Variants in PRKN observed in about 807,000 individuals in gnomAD.
The protein encoded by PRKN is parkin RBR E3 ubiquitin protein ligase.
A neutral mutation model predicts 59.5 loss-of-function variants in PRKN; 56 were observed. That is an observed-to-expected ratio of 0.94 (90% CI 0.76 to 1.18). The LOEUF is 1.18. Among genes scored for constraint, PRKN ranks in the 50% most tolerant of loss-of-function variants. The probability of loss-of-function intolerance (pLI) is 0.00; values close to 1 mark genes in which losing one functional copy is unlikely to be tolerated. For synonymous variants in PRKN, 250 were observed against 222.1 expected, an observed-to-expected ratio of 1.13 and a Z score of -1.12; for missense variants, 657 against 596.4, an observed-to-expected ratio of 1.10 and a Z score of -1.06.
intron 2 of PRKN, among the ~76,000 whole-genome samples, chr6:162,377,724 C>A (rs967906696): frequency 6.6e-6 from 1 of 152,172 alleles, no homozygotes; most frequent in Non-Finnish European, 1.5e-5. Context: ...AGACCATCTA[C>A]CTTGGTCAAC....
intron 6 of PRKN, among the ~76,000 whole-genome samples, chr6:161,871,117 G>T (rs1794326028): frequency 6.6e-6 from 1 of 152,080 alleles, no homozygotes; most frequent in Admixed American, 6.6e-5. Flanking sequence ...TAGATACTTT[G>T]TAGCAATTTA....
rs1203410752 is a variant in PRKN at position 161,405,572 on chromosome 6, G to A, written c.1084-18695C>T. The stretch of plus-strand genomic sequence containing the variant: ...CACTCCAGCCTGGGTGACAAAGCAA[G>A]ACCCTGTCTAAAAAATAAAATAAAA... On this transcript the variant is annotated intron_variant, in intron 9 of 11. Transcript: ENST00000366898. The surrounding 1 kb of genome is among the most constrained non-coding windows in gnomAD (Gnocchi z 5.1). Among the ~76,000 whole-genome samples the A allele has an allele frequency of 6.6e-6, 1 of 151,062 alleles. No individual in the cohort carries two copies. Among genetic ancestry groups the A allele is most frequent in the Non-Finnish European group, 1.5e-5 (1 of 67,834 alleles).
rs1371933812 is a variant in PRKN, at chr6:161,372,764, G to A, written c.1168-12559C>T. 2.0e-5 allele frequency among the ~76,000 whole-genome samples: 3 copies of A among 151,982 alleles called. No individual in the cohort carries two copies. Among genetic ancestry groups the A allele is most frequent in the East Asian group, 1.9e-4 (1 of 5,192 alleles). On this transcript the variant is annotated intron_variant, in intron 10 of 11. Transcript: ENST00000366898. The surrounding 1 kb of genome is among the most constrained non-coding windows in gnomAD (Gnocchi z 4.2). ...CGATGTCGCTAGCCTGCAGAGCTTC[G>A]GAGAACTACTGCTCGCAGAAGGTCT...
At chr6:162,615,312 G>A (rs1782358196) in intron 1 of PRKN, among the ~76,000 whole-genome samples, 2 of 151,982 alleles carry the variant, frequency 1.3e-5, no homozygotes, top group African/African-American at 2.4e-5. Flanking sequence ...AGTTACAGTT[G>A]CCACATAATA....
intron 6 of PRKN, among the ~76,000 whole-genome samples, chr6:161,870,918 G>C (rs1472498857): frequency 2.0e-5 from 3 of 152,010 alleles, no homozygotes; most frequent in Non-Finnish European, 4.4e-5. Flanking sequence ...GCCTAAATGA[G>C]ACATGGGGAA....
At chr6:162,229,065 T>A (rs1166337401) in intron 3 of PRKN, among the ~76,000 whole-genome samples, 1 of 152,202 alleles carries the variant, frequency 6.6e-6, no homozygotes, top group East Asian at 1.9e-4. Context: ...GTCCTATGGC[T>A]TACGTATCTA....
At chr6:162,286,388 C>A (rs868615634) in intron 2 of PRKN, among the ~76,000 whole-genome samples, 3 of 152,100 alleles carry the variant, frequency 2.0e-5, no homozygotes, top group South Asian at 4.1e-4. Flanking sequence ...GTGCTACATA[C>A]CACCTCCTCC....
chr6:161,896,509 C>T (rs907286489), intron 6 of PRKN, among the ~76,000 whole-genome samples: 9 of 152,212 alleles, frequency 5.9e-5, no homozygotes. Flanking sequence ...CACCAAGCAA[C>T]CTCAGTCAAC....
At chr6:162,664,681 GA>G (rs570684545) in intron 1 of PRKN, among the ~76,000 whole-genome samples, 101 of 152,026 alleles carry the variant, frequency 6.6e-4, no homozygotes, top group Non-Finnish European at 1.0e-3. Context: ...TGTTGGCTGT[GA>G]AAACTTTTGA....
intron 2 of PRKN, among the ~76,000 whole-genome samples, chr6:162,336,432 C>A (rs1450862328): frequency 6.6e-6 from 1 of 152,092 alleles, no homozygotes; most frequent in African/African-American, 2.4e-5. Context: ...AAACTTAAAG[C>A]CACACATCTG....
intron 2 of PRKN, among the ~76,000 whole-genome samples, chr6:162,437,111 A>G (rs1161628676): frequency 7.0e-6 from 1 of 141,874 alleles, no homozygotes; most frequent in Non-Finnish European, 1.6e-5. Flanking sequence ...AAATAAATAA[A>G]TAAAAAAAGG....
chr6:162,260,407 T>C (rs111901450), intron 3 of PRKN, among the ~76,000 whole-genome samples: 4 of 152,316 alleles, frequency 2.6e-5, no homozygotes, highest in African/African-American at 9.6e-5. Context: ...GTTGAAATAA[T>C]CACACATTTC....
At chr6:162,511,920 A>G (rs1312974026) in intron 1 of PRKN, among the ~76,000 whole-genome samples, 2 of 152,216 alleles carry the variant, frequency 1.3e-5, no homozygotes, top group Non-Finnish European at 2.9e-5. Context: ...TGATGTCTCA[A>G]TGAAAATAAG....
chr6:162,567,339 T>C (rs1230281241), intron 1 of PRKN, among the ~76,000 whole-genome samples: 12 of 152,178 alleles, frequency 7.9e-5, no homozygotes, highest in Admixed American at 7.9e-4. Flanking sequence ...TATCCTTGTC[T>C]GCAGATGATA....
chr6:162,236,588 C>G (rs1030222571), intron 3 of PRKN, among the ~76,000 whole-genome samples: 3 of 151,272 alleles, frequency 2.0e-5, no homozygotes, highest in Non-Finnish European at 4.4e-5. Flanking sequence ...GAGTTTGAAA[C>G]CAGCCTGGCC....
At chr6:162,263,676 G>A (rs73020797) in intron 2 of PRKN, among the ~76,000 whole-genome samples, 3,639 of 152,294 alleles carry the variant, frequency 0.024, 71 homozygotes, top group Non-Finnish European at 0.04. Flanking sequence ...ACATAGGGCC[G>A]GCCGCGGTGG....
At chr6:162,342,259 C>T (rs948424453) in intron 2 of PRKN, among the ~76,000 whole-genome samples, 4 of 152,154 alleles carry the variant, frequency 2.6e-5, no homozygotes, top group Admixed American at 6.5e-5. Flanking sequence ...TTATGGCCAA[C>T]GTTTCCCTTC....
rs146489878 is a variant in PRKN at position 161,622,986 on chromosome 6, G to A, written c.872-53570C>T. 3.3e-3 allele frequency among the ~76,000 whole-genome samples: 497 copies of A among 152,252 alleles called. 3 individuals carry two copies. The highest frequency in any genetic ancestry group is 0.012 in the African/African-American group (484 of 41,538). On this transcript the variant is annotated intron_variant, in intron 7 of 11. Transcript: ENST00000366898. ...GCAAAAGCATATCTGAGTTGGCAAT[G>A]TCTCTTTTCTTTTCCGCTTTTTCTT... is the stretch of plus-strand genomic sequence containing the variant.
At position 161,560,960 on chromosome 6, in the gene PRKN, A is replaced by T. The variant is rs1780434284; in HGVS notation, c.933+8395T>A. On this transcript the variant is annotated intron_variant, in intron 8 of 11. Coordinates refer to ENST00000366898, the MANE Select transcript of PRKN (RefSeq NM_004562.3). This position sits in a 1 kb window ranked among gnomAD's most constrained non-coding sequence, Gnocchi z 4.9. ...CAAAATTCCACGCCTGGAAAACATC[A>T]CCTCCACCTTCCCTGGGCGTGTAGC... is the stretch of plus-strand genomic sequence containing the variant. Among the ~76,000 whole-genome samples the T allele has an allele frequency of 1.3e-5, 2 of 152,134 alleles. No homozygotes were observed. The highest frequency in any genetic ancestry group is 4.8e-5 in the African/African-American group (2 of 41,522).
Sources: allele counts gnomAD v4.1 joint callset (sites outside exome capture counted in the v4.1 genomes callset), GRCh38; gene constraint gnomAD v4.1.1; non-coding constraint Gnocchi (gnomAD v3.1); transcripts MANE v1.5; gene names NCBI Gene and HGNC (gene_info 2026-07-23, HGNC 2026-07-21).